UBR2: variants seen among roughly 807,000 people sequenced by gnomAD.
UBR2 encodes ubiquitin protein ligase E3 component n-recognin 2.
In UBR2, 92 loss-of-function variants were observed where a neutral mutation model predicts 247.9. That is an observed-to-expected ratio of 0.37 (90% CI 0.31 to 0.44). UBR2 has a LOEUF of 0.44. Ranked by LOEUF, UBR2 falls within the 20% of genes least tolerant of loss-of-function variation. UBR2 has a pLI of 1.00. For missense variants in UBR2, 1,613 were observed against 2,112.6 expected, an observed-to-expected ratio of 0.76 and a Z score of 4.64; for synonymous variants, 672 against 693.5, an observed-to-expected ratio of 0.97 and a Z score of 0.49.
intron 39 of UBR2, 98 bp downstream of exon 39, chr6:42,676,289 C>A: frequency 7.5e-7 from 1 of 1,330,838 alleles, no homozygotes; most frequent in Non-Finnish European, 1.0e-6. Context: ...ATGAGAATAA[C>A]ACATGAATAA....
Position 42,617,523 on chromosome 6 carries a change from C to G in UBR2, c.1281+16C>G, listed in dbSNP as rs185961818. ...TCCTTCACTTGTAAGTACTGAAAGACTAGAAGAACTTTCTTGTTTTCCATT... is the reference window on the plus strand; with the variant it reads ...TCCTTCACTTGTAAGTACTGAAAGAGTAGAAGAACTTTCTTGTTTTCCATT... On this transcript the variant is annotated intron_variant, in intron 11 of 46. Coordinates refer to ENST00000372901, the MANE Select transcript of UBR2 (RefSeq NM_001363705.2). The G allele has an allele frequency of 2.6e-6, 4 of 1,548,128 alleles. No homozygotes were observed. In the East Asian group the frequency reaches 7.3e-5, roughly 28 times the overall value.
intron 37 of UBR2, 56 bp from the exon 38 acceptor site, chr6:42,674,070 C>A: frequency 1.3e-6 from 2 of 1,537,328 alleles, no homozygotes; most frequent in Non-Finnish European, 8.9e-7. Context: ...AGATTATATG[C>A]ATTTTAACAT....
At chr6:42,675,420 G>A (rs942168048) in intron 38 of UBR2, among the ~76,000 whole-genome samples, 4 of 152,122 alleles carry the variant, frequency 2.6e-5, no homozygotes, top group Non-Finnish European at 4.4e-5. Flanking sequence ...ATATTTATGG[G>A]TCCAAAACCC....
chr6:42,603,481 CCAGT>C, intron 4 of UBR2, 103 bp from the exon 5 acceptor site: 4 of 1,083,320 alleles, frequency 3.7e-6, no homozygotes, highest in Non-Finnish European at 4.9e-6. Flanking sequence ...AGCTGGAAGA[CCAGT>C]CAACTTTTTA....
Position 42,693,038 on chromosome 6 carries a change from T to G in UBR2, c.*1865T>G, listed in dbSNP as rs1254372083. The stretch of plus-strand genomic sequence containing the variant: ...AAGCTTCTTTTGGCTTTTTTTCATA[T>G]GTTCACCAAGCTAAAATTTAAAATA... On this transcript the variant is annotated 3_prime_UTR_variant, in exon 47 of 47. Transcript: ENST00000372901. 6.6e-6 allele frequency: 1 copy of G among 152,214 alleles called. No individual in the cohort carries two copies. The highest frequency in any genetic ancestry group is 1.5e-5 in the Non-Finnish European group (1 of 68,038). The allele number at this position is 152,214 out of a possible 1,614,324, so 9.4% of individuals were successfully genotyped here.
chr6:42,678,664 T>A lies in UBR2; in HGVS notation c.4604T>A (p.Ile1535Asn). ...AATGGAGTTCCTTCCCCACCCGACA[T>A]TCAAGGTAATTTATACTTTCTTTCA... ...YLNGVPSPPDIQVPGTSHFEH... is the reference protein window; with the variant it reads ...YLNGVPSPPDNQVPGTSHFEH... The change falls in exon 41 of 47, where the codon ATT (isoleucine) becomes AAT (asparagine). Residue 1535 changes from isoleucine to asparagine, a missense_variant. Coordinates refer to ENST00000372901, the MANE Select transcript of UBR2 (RefSeq NM_001363705.2). The A allele has an allele frequency of 6.2e-7, 1 of 1,610,848 alleles. No homozygotes were observed. The highest frequency in any genetic ancestry group is 8.5e-7 in the Non-Finnish European group (1 of 1,179,008).
chr6:42,616,514 A>AG (rs1217227598), intron 10 of UBR2, among the ~76,000 whole-genome samples: 4 of 151,458 alleles, frequency 2.6e-5, no homozygotes, highest in Non-Finnish European at 2.9e-5. Context: ...TTTTTTTTGG[A>AG]GGGGGGGCAT....
intron 2 of UBR2, among the ~76,000 whole-genome samples, chr6:42,582,641 A>G (rs1041186759): frequency 2.0e-5 from 3 of 152,140 alleles, no homozygotes; most frequent in Non-Finnish European, 2.9e-5. Context: ...TTTTAACAAA[A>G]CAGGAAGACT....
chr6:42,662,177 A>T lies in UBR2; in HGVS notation c.3443-7A>T. On this transcript the variant is annotated splice_region_variant and splice_polypyrimidine_tract_variant and intron_variant, in intron 30 of 46. Coordinates refer to ENST00000372901, the MANE Select transcript of UBR2 (RefSeq NM_001363705.2). ...TTTGTTTTGTTTTGTTTTGTTTTGT[A>T]ATGCAGAAAAATATGATCCATTATT... 6.4e-7 allele frequency: 1 copy of T among 1,572,004 alleles called. No homozygotes were observed. Among genetic ancestry groups the T allele is most frequent in the South Asian group, 1.2e-5 (1 of 86,608 alleles).
At chr6:42,648,016 A>G (rs1796880966) in intron 21 of UBR2, 102 bp from the exon 22 acceptor site, 2 of 818,312 alleles carry the variant, frequency 2.4e-6, no homozygotes, top group African/African-American at 3.4e-5. Context: ...GATAAGGTGT[A>G]TCTACCTTAG....
intron 2 of UBR2, among the ~76,000 whole-genome samples, chr6:42,574,828 T>G (rs1791397301): frequency 6.6e-6 from 1 of 152,118 alleles, no homozygotes; most frequent in Non-Finnish European, 1.5e-5. Context: ...CCCAACTGGC[T>G]GGGATTACAG....
At chr6:42,570,318 C>T (rs1349152170) in intron 1 of UBR2, among the ~76,000 whole-genome samples, 1 of 151,998 alleles carries the variant, frequency 6.6e-6, no homozygotes, top group African/African-American at 2.4e-5. Flanking sequence ...CTGCAACCTC[C>T]ACCTCCTGAG....
At chr6:42,668,417 C>T (rs932110786) in intron 34 of UBR2, among the ~76,000 whole-genome samples, 2 of 151,900 alleles carry the variant, frequency 1.3e-5, no homozygotes, top group African/African-American at 4.8e-5. Flanking sequence ...AGAAATTATT[C>T]CCATTCTAAT....
chr6:42,604,636 A>G (rs1014557562), intron 5 of UBR2, among the ~76,000 whole-genome samples: 8 of 152,152 alleles, frequency 5.3e-5, no homozygotes, highest in Non-Finnish European at 7.3e-5. Flanking sequence ...CTTGCCCCGT[A>G]CAATTCATTC....
intron 2 of UBR2, among the ~76,000 whole-genome samples, chr6:42,588,804 C>CCTGTACTGAGG (rs1194526936): frequency 6.6e-6 from 1 of 151,906 alleles, no homozygotes; most frequent in African/African-American, 2.4e-5. Context: ...GGTAACTGGC[C>CCTGTACTGAGG]CTGTACTGAG....
Position 42,670,111 on chromosome 6 carries a change from A to G in UBR2, c.3901A>G (p.Ile1301Val), listed in dbSNP as rs1165262188. 1.2e-6 allele frequency: 2 copies of G among 1,614,092 alleles called. No homozygotes were observed. The highest frequency in any genetic ancestry group is 1.3e-5 in the African/African-American group (1 of 74,936). The change falls in exon 35 of 47, where the codon ATA (isoleucine) becomes GTA (valine). Residue 1301 changes from isoleucine (I) to valine (V), a missense_variant. Ile to Val is a conservative substitution (Grantham distance 29, BLOSUM62 3). Coordinates refer to ENST00000372901, the MANE Select transcript of UBR2 (RefSeq NM_001363705.2). ...CTTCAGGATCCCTTATTCTGAGAGC[A>G]TAAAAGAAATGCTAACGACATTTGG... Reference protein sequence around the residue: ...FRPKIPYSESIKEMLTTFGTA... With the variant: ...FRPKIPYSESVKEMLTTFGTA...
chr6:42,576,869 T>C (rs1791555351), intron 2 of UBR2, among the ~76,000 whole-genome samples: 2 of 152,110 alleles, frequency 1.3e-5, no homozygotes, highest in Non-Finnish European at 2.9e-5. Flanking sequence ...TGTTCTAGGA[T>C]GTATAGTTTT....
At chr6:42,594,166 A>G (rs747235826) in intron 3 of UBR2, 25 bp from the exon 4 acceptor site, 1 of 1,552,980 alleles carries the variant, frequency 6.4e-7, no homozygotes, top group South Asian at 1.1e-5. Context: ...TTTATTGACA[A>G]GATACTTTAC....
intron 13 of UBR2, among the ~76,000 whole-genome samples, chr6:42,633,452 G>T (rs1230157249): frequency 6.6e-6 from 1 of 150,582 alleles, no homozygotes; most frequent in Non-Finnish European, 1.5e-5. Flanking sequence ...GTGCAGTGGC[G>T]CAATCTCAGC....
Sources: gnomAD v4.1 joint callset for allele counts (sites outside exome capture counted in the v4.1 genomes callset) on GRCh38, gnomAD v4.1.1 for gene constraint, MANE v1.5 for transcripts, NCBI Gene and HGNC (gene_info 2026-07-23, HGNC 2026-07-21) for gene names.